LINGO2: variants seen among roughly 807,000 people sequenced by gnomAD.
LINGO2 encodes leucine rich repeat and Ig domain containing 2, also known as leucine-rich repeat and immunoglobulin-like domain-containing nogo receptor-interacting protein 2.
LINGO2 carries 14 observed loss-of-function variants against 30.6 expected under a neutral mutation model. The observed-to-expected ratio is 0.46, with a 90% CI of 0.30 to 0.72. The LOEUF is 0.72. LINGO2 is among the 30% of genes least tolerant of loss of function. The pLI, the probability that LINGO2 is intolerant of heterozygous loss-of-function variation, is 0.07. For missense variants in LINGO2, 729 were observed against 751.7 expected (o/e 0.97, Z 0.35); for synonymous variants, 317 against 288.5 (o/e 1.10, Z -1.00).
chr9:28,782,402 G>C, the LINGO2 span, among the ~76,000 whole-genome samples: 35 of 152,140 alleles, frequency 2.3e-4, no homozygotes, highest in Admixed American at 2.1e-3. Context: ...ACCAGACACT[G>C]TGTTATGTGC....
chr9:28,174,921 T>TGTGAGAGAGAGAGA (rs962695032), intron 4 of LINGO2, among the ~76,000 whole-genome samples: 4 of 133,308 alleles, frequency 3.0e-5, no homozygotes, highest in African/African-American at 8.5e-5. Flanking sequence ...TGTGTGTGTG[T>TGTGAGAGAGAGAGA]GAGAGAGAGA....
intron 4 of LINGO2, among the ~76,000 whole-genome samples, chr9:28,056,028 T>C (rs1303407696): frequency 6.6e-6 from 1 of 152,084 alleles, no homozygotes; most frequent in African/African-American, 2.4e-5. Context: ...AATGAAAACT[T>C]AAGACAAAAG....
At chr9:29,069,772 G>A in the LINGO2 span, among the ~76,000 whole-genome samples, 1 of 152,052 alleles carries the variant, frequency 6.6e-6, no homozygotes, top group African/African-American at 2.4e-5. Flanking sequence ...GAGATACTTT[G>A]AGAAGGAGTT....
At chr9:28,008,089 C>A (rs539661431) in intron 5 of LINGO2, among the ~76,000 whole-genome samples, 19 of 152,210 alleles carry the variant, frequency 1.2e-4, no homozygotes, top group African/African-American at 4.6e-4. Flanking sequence ...CGTCTTACAT[C>A]GTTTGTCATC....
In LINGO2 at chr9:28,287,381, T is replaced by C. The variant is rs1332961849; in HGVS notation, c.-87+7827A>G. ...TATATCAAATAAAGCTGAACTGACG[T>C]TCACTTTTTTGTGTGTTTTGTGTCT... On this transcript the variant is annotated intron_variant, in intron 4 of 5. Transcript: ENST00000379992. Among the ~76,000 whole-genome samples the C allele has an allele frequency of 2.6e-5, 4 of 152,248 alleles. No individual in the cohort carries two copies. In the South Asian group the frequency reaches 8.3e-4, roughly 32 times the overall value.
intron 4 of LINGO2, among the ~76,000 whole-genome samples, chr9:28,093,003 T>C (rs1422969320): frequency 6.6e-6 from 1 of 152,030 alleles, no homozygotes; most frequent in Non-Finnish European, 1.5e-5. Context: ...GATGCCAAGA[T>C]AGGCTAAGTT....
chr9:28,230,664 G>T (rs777621254), intron 4 of LINGO2, among the ~76,000 whole-genome samples: 8 of 151,726 alleles, frequency 5.3e-5, no homozygotes, highest in South Asian at 2.1e-4. Context: ...TAGTTATTGA[G>T]ATTTTAATTG....
At chr9:27,983,728 T>C (rs1820993909) in intron 5 of LINGO2, among the ~76,000 whole-genome samples, 1 of 151,860 alleles carries the variant, frequency 6.6e-6, no homozygotes, top group South Asian at 2.1e-4. Flanking sequence ...ACTTCAAACT[T>C]CCAATTTGGT....
intron 4 of LINGO2, among the ~76,000 whole-genome samples, chr9:28,171,845 G>GAAA (rs568859084): frequency 7.5e-6 from 1 of 133,440 alleles, no homozygotes; most frequent in African/African-American, 2.8e-5. Context: ...CGTCTCTACT[G>GAAA]AAAAAAAAAA....
intron 5 of LINGO2, among the ~76,000 whole-genome samples, chr9:27,981,534 C>CAAAAAAAAAAAAAAAAGAA (rs1820857995): frequency 7.5e-5 from 3 of 39,776 alleles, no homozygotes; most frequent in South Asian, 8.1e-4. Context: ...ACGAGGATGG[C>CAAAAAAAAAAAAAAAAGAA]AAAAAAAAAA....
chr9:28,346,671 C>A (rs1819586922), intron 3 of LINGO2, among the ~76,000 whole-genome samples: 2 of 152,260 alleles, frequency 1.3e-5, no homozygotes, highest in South Asian at 4.1e-4. Context: ...TATAAGCATT[C>A]CCTTTTCTCC....
the LINGO2 span, among the ~76,000 whole-genome samples, chr9:28,905,568 T>C: frequency 3.3e-5 from 5 of 152,044 alleles, no homozygotes; most frequent in Non-Finnish European, 7.4e-5. Flanking sequence ...ATCTGGGAAA[T>C]GTTAATTAAA....
chr9:28,975,817 T>A, the LINGO2 span, among the ~76,000 whole-genome samples: 38 of 152,278 alleles, frequency 2.5e-4, no homozygotes, highest in African/African-American at 8.7e-4. Flanking sequence ...TCAGAAGTAG[T>A]TACAATGTAT....
chr9:29,111,824 T>C, the LINGO2 span, among the ~76,000 whole-genome samples: 31,119 of 149,876 alleles, frequency 0.21, 3,401 homozygotes, highest in East Asian at 0.4. Context: ...TTTAAAGATA[T>C]ATATATATAT....
chr9:28,089,639 A>C (rs1341550795), intron 4 of LINGO2, among the ~76,000 whole-genome samples: 1 of 152,200 alleles, frequency 6.6e-6, no homozygotes, highest in Non-Finnish European at 1.5e-5. Context: ...ACAACCTAAC[A>C]TCACAATGAA....
At chr9:28,427,124 TA>T (rs1198865030) in intron 2 of LINGO2, among the ~76,000 whole-genome samples, 1 of 152,100 alleles carries the variant, frequency 6.6e-6, no homozygotes, top group African/African-American at 2.4e-5. Context: ...TACTCTCATT[TA>T]AAAACCGCAC....
At chr9:28,005,552 C>T (rs1177930359) in intron 5 of LINGO2, among the ~76,000 whole-genome samples, 1 of 151,948 alleles carries the variant, frequency 6.6e-6, no homozygotes, top group Non-Finnish European at 1.5e-5. Context: ...AATTGATATA[C>T]TTATTTTTTA....
the LINGO2 span, among the ~76,000 whole-genome samples, chr9:28,803,812 T>C: frequency 1.3e-5 from 2 of 152,120 alleles, no homozygotes; most frequent in African/African-American, 4.8e-5. Flanking sequence ...AAATGTAACC[T>C]GTGTTAATGC....
chr9:28,396,986 T>A lies in LINGO2; in HGVS notation c.-278-24118A>T, dbSNP rs537398879. ...GATGATTTTGCAAGTATTTTCCTAA[T>A]CTAGCCTACACTCCTTTACTAATCA... On this transcript the variant is annotated intron_variant, in intron 2 of 5. Coordinates refer to ENST00000379992, the Ensembl canonical transcript of LINGO2. Among the ~76,000 whole-genome samples, 5 of 152,220 alleles carry A rather than the reference T, an allele frequency of 3.3e-5. No individual in the cohort carries two copies. The South Asian group carries it at 8.3e-4, about 25-fold the overall frequency.
Sources: gnomAD v4.1 joint callset for allele counts (sites outside exome capture counted in the v4.1 genomes callset) on GRCh38, gnomAD v4.1.1 for gene constraint, MANE v1.5 for transcripts, NCBI Gene and HGNC (gene_info 2026-07-23, HGNC 2026-07-21) for gene names.